The following CFAP46 variants were observed in gnomAD, a reference collection of about 807,000 sequenced individuals.
CFAP46 encodes cilia- and flagella-associated protein 46.
CFAP46 carries 245 observed loss-of-function variants against 325.7 expected under a neutral mutation model. That is an observed-to-expected ratio of 0.75 (90% CI 0.68 to 0.84). CFAP46 has a LOEUF of 0.84. Ranked by LOEUF, CFAP46 falls within the 40% of genes least tolerant of loss-of-function variation. CFAP46 has a pLI of 0.00. For synonymous variants in CFAP46, 1,523 were observed against 1,495.9 expected (o/e 1.02, Z -0.42); for missense variants, 3,346 against 3,543.0 (o/e 0.94, Z 1.41).
At chr10:132,826,544 G>T (rs1185569782) in intron 50 of CFAP46, among the ~76,000 whole-genome samples, 1 of 139,196 alleles carries the variant, frequency 7.2e-6, no homozygotes, top group Non-Finnish European at 1.6e-5. Context: ...CAGCCACGGA[G>T]CCAGGCAGGA....
At chr10:132,824,894 CTG>C (rs533480875) in intron 50 of CFAP46, among the ~76,000 whole-genome samples, 16 of 126,966 alleles carry the variant, frequency 1.3e-4, no homozygotes, top group South Asian at 2.7e-4. Context: ...GTGATGTGTG[CTG>C]TGTGAGTGCT....
intron 50 of CFAP46, among the ~76,000 whole-genome samples, chr10:132,825,226 GTGC>G (rs1457576133): frequency 1.7e-4 from 25 of 149,786 alleles, no homozygotes; most frequent in Non-Finnish European, 4.4e-5. Flanking sequence ...GCCCTGATGT[GTGC>G]TGTGTGTGTG....
intron 35 of CFAP46, among the ~76,000 whole-genome samples, chr10:132,862,325 A>AGGCCGGCGACAG (rs1269432944): frequency 6.6e-6 from 1 of 151,942 alleles, no homozygotes; most frequent in Non-Finnish European, 1.5e-5. Context: ...AGTGGGCCGG[A>AGGCCGGCGACAG]GGCCGGCGAC....
At chr10:132,809,891 C>T (rs750681436) in intron 57 of CFAP46, among the ~76,000 whole-genome samples, 3 of 152,196 alleles carry the variant, frequency 2.0e-5, no homozygotes, top group Non-Finnish European at 2.9e-5. Context: ...CTCTCCAGGA[C>T]GCCAATGGGA....
intron 43 of CFAP46, 123 bp downstream of exon 43, chr10:132,846,809 G>A: frequency 7.9e-7 from 1 of 1,271,698 alleles, no homozygotes; most frequent in South Asian, 1.6e-5. Flanking sequence ...CACTGCTTAA[G>A]GACCCTGGCC....
At chr10:132,921,572 A>C (rs1392862173) in intron 13 of CFAP46, among the ~76,000 whole-genome samples, 1 of 152,108 alleles carries the variant, frequency 6.6e-6, no homozygotes, top group Non-Finnish European at 1.5e-5. Flanking sequence ...CCCATTCCCC[A>C]GAGCAGGGTG....
In CFAP46 at chr10:132,877,099, C is replaced by T. The variant is rs538266605; in HGVS notation, c.4213-138G>A. ...CATCCTCCCCACCACCAGGTCCCAG[C>T]GAGTGCCCAGATCCAGCCTCTGATA... On this transcript the variant is annotated intron_variant, in intron 30 of 57. Transcript: ENST00000368586. This position sits in a 1 kb window ranked among gnomAD's most constrained non-coding sequence, Gnocchi z 5.7. 1.0e-5 allele frequency: 8 copies of T among 796,686 alleles called. No homozygotes were observed. The highest frequency in any genetic ancestry group is 1.8e-5 in the South Asian group (1 of 54,770). 49.4% of individuals were successfully genotyped at this position (796,686 alleles called of 1,614,324 possible). A position where few individuals can be genotyped will look rare whatever the true frequency, so the allele number is the denominator to read the frequency against.
At chr10:132,821,918 CTGTGTGTGCGCTGATGTGTGCTG>C (rs1489208634) in intron 50 of CFAP46, among the ~76,000 whole-genome samples, 3 of 127,744 alleles carry the variant, frequency 2.3e-5, no homozygotes, top group Admixed American at 8.4e-5. Context: ...CTGATGTGTG[CTGTGTGTGCGCTGATGTGTGCTG>C]TGTGTGCGCT....
Position 132,847,042 on chromosome 10 carries a change from C to T in CFAP46, c.6157G>A (p.Ala2053Thr), listed in dbSNP as rs770403196. The T allele has an allele frequency of 7.4e-6, 12 of 1,612,338 alleles. No homozygotes were observed. Among genetic ancestry groups the T allele is most frequent in the South Asian group, 1.1e-5 (1 of 91,010 alleles). The part of the protein sequence containing the change: ...SEVLLQCLQV[A>T]LGSGLLDVAA... Reference sequence around the variant, plus strand: ...ACATCCAGGAGGCCACTGCCAAGGGCCACCTGTAGGCACTGCAGCAGCACC... The same window carrying T: ...ACATCCAGGAGGCCACTGCCAAGGGTCACCTGTAGGCACTGCAGCAGCACC... The change falls in exon 43 of 58, where the codon GCC (alanine) becomes ACC (threonine). Residue 2053 changes from alanine to threonine, a missense_variant. Transcript: ENST00000368586. The surrounding 1 kb of genome is among the most constrained non-coding windows in gnomAD (Gnocchi z 5.2).
chr10:132,812,655 G>A, intron 55 of CFAP46, 130 bp downstream of exon 55: 1 of 641,972 alleles, frequency 1.6e-6, no homozygotes, highest in Non-Finnish European at 2.8e-6. Context: ...CACAGAGGGT[G>A]GGGGGCAGGA....
intron 22 of CFAP46, among the ~76,000 whole-genome samples, chr10:132,907,031 G>C (rs1490715491): frequency 1.3e-5 from 2 of 152,260 alleles, no homozygotes; most frequent in African/African-American, 2.4e-5. Context: ...ATCTTGGCAC[G>C]TTCCTATGTT....
chr10:132,834,022 C>T lies in CFAP46; in HGVS notation c.6949+19G>A. Reference sequence around the variant, plus strand: ...GGGATGAGCTCCCCAGGCTGAGTGGCCACGCCCGCCCCACTCACTGTGTTG... The same window carrying T: ...GGGATGAGCTCCCCAGGCTGAGTGGTCACGCCCGCCCCACTCACTGTGTTG... On this transcript the variant is annotated intron_variant, in intron 49 of 57. Coordinates refer to ENST00000368586, the MANE Select transcript of CFAP46 (RefSeq NM_001200049.3). 2 of 1,610,248 alleles carry T rather than the reference C, an allele frequency of 1.2e-6. No individual in the cohort carries two copies. Among genetic ancestry groups the T allele is most frequent in the Non-Finnish European group, 1.7e-6 (2 of 1,176,972 alleles).
rs868775574 is a variant in CFAP46 at position 132,880,921 on chromosome 10, C to T, written c.3739G>A (p.Glu1247Lys). The T allele has an allele frequency of 1.1e-5, 17 of 1,550,210 alleles. No individual in the cohort carries two copies. Among genetic ancestry groups the T allele is most frequent in the South Asian group, 5.9e-5 (5 of 84,062 alleles). Residue 1247 changes from glutamate to lysine, a missense_variant, in exon 28 of 58, where the codon GAG becomes AAG. Physicochemically the swap from Glu to Lys is moderately conservative, Grantham distance 56 (BLOSUM62 1). Coordinates refer to ENST00000368586, the MANE Select transcript of CFAP46 (RefSeq NM_001200049.3). The part of the protein sequence containing the change: ...DVVFHLRWAV[E>K]ILLAMKPPGD... ...GGCGGCTTCATGGCCAGCAGGATCT[C>T]GACAGCCCAGCGGAGGTGGAAGACC...
chr10:132,907,756 AG>A (rs1175478494), intron 22 of CFAP46, among the ~76,000 whole-genome samples: 3 of 151,990 alleles, frequency 2.0e-5, no homozygotes, highest in South Asian at 4.2e-4. Flanking sequence ...ATGGCCTTTG[AG>A]GGGGGTTGGA....
chr10:132,937,782 A>T, intron 5 of CFAP46, 107 bp from the exon 6 acceptor site: 1 of 1,452,586 alleles, frequency 6.9e-7, no homozygotes, highest in Non-Finnish European at 9.2e-7. Context: ...CAAAGTTTAA[A>T]AGCTACCCTG....
Position 132,877,920 on chromosome 10 carries a change from C to T in CFAP46, c.4173G>A (p.Lys1391=). ...TGACTTTCTCCTCCTTTCCCTTCTCCTTGTCCTTCTCTTTACTCCTCTCAT... is the reference window on the plus strand; with the variant it reads ...TGACTTTCTCCTCCTTTCCCTTCTCTTTGTCCTTCTCTTTACTCCTCTCAT... ...KENERSKEKD[K]EKGKEEKVKE... is the part of the protein sequence containing the mutation. The change falls in exon 30 of 58, where the codon AAG becomes AAA. Residue 1391 remains lysine (K), a synonymous_variant. Coordinates refer to ENST00000368586, the MANE Select transcript of CFAP46 (RefSeq NM_001200049.3). This position sits in a 1 kb window ranked among gnomAD's most constrained non-coding sequence, Gnocchi z 5.7. 1 of 1,541,954 alleles carries T rather than the reference C, an allele frequency of 6.5e-7. No individual in the cohort carries two copies. Among genetic ancestry groups the T allele is most frequent in the Non-Finnish European group, 8.7e-7 (1 of 1,143,276 alleles).
intron 40 of CFAP46, 71 bp from the exon 41 acceptor site, chr10:132,850,503 G>A: frequency 7.1e-7 from 1 of 1,414,772 alleles, no homozygotes; most frequent in Non-Finnish European, 9.4e-7. Flanking sequence ...GGGACCCAGT[G>A]AGCCCGCCCT....
chr10:132,861,800 C>A (rs757107550), intron 35 of CFAP46, among the ~76,000 whole-genome samples: 10 of 152,200 alleles, frequency 6.6e-5, no homozygotes, highest in Non-Finnish European at 1.5e-4. Context: ...GCTCTGTGTG[C>A]TCGTTTGGAC....
At chr10:132,809,939 C>G (rs1308529620) in intron 57 of CFAP46, among the ~76,000 whole-genome samples, 2 of 152,236 alleles carry the variant, frequency 1.3e-5, no homozygotes, top group Non-Finnish European at 2.9e-5. Flanking sequence ...TCCGGGAGGC[C>G]TCTTCCTGGG....
Sources: gnomAD v4.1 joint callset for allele counts (sites outside exome capture counted in the v4.1 genomes callset) on GRCh38, gnomAD v4.1.1 for gene constraint, Gnocchi (gnomAD v3.1) non-coding constraint, MANE v1.5 for transcripts, NCBI Gene and HGNC (gene_info 2026-07-23, HGNC 2026-07-21) for gene names.